FASTKD2: variants seen among roughly 807,000 people sequenced by gnomAD.
The protein encoded by FASTKD2 is FAST kinase domains 2.
A neutral mutation model predicts 63.6 loss-of-function variants in FASTKD2; 51 were observed. The observed-to-expected ratio is 0.80, with a 90% confidence interval of 0.64 to 1.01. FASTKD2 has a LOEUF of 1.01. Among genes scored for constraint, FASTKD2 ranks in the 50% least tolerant of loss-of-function variants. The probability of loss-of-function intolerance (pLI) is 0.00; values close to 1 mark genes in which losing one functional copy is unlikely to be tolerated. For missense variants in FASTKD2, 786 were observed against 831.1 expected (o/e 0.95, Z 0.67); for synonymous variants, 284 against 293.4 (o/e 0.97, Z 0.33).
chr2:206,781,841 T>G (rs1364552358), intron 7 of FASTKD2, among the ~76,000 whole-genome samples: 5 of 151,922 alleles, frequency 3.3e-5, no homozygotes, highest in African/African-American at 1.2e-4. Flanking sequence ...TTTTCCTACT[T>G]AACTGCTCCT....
chr2:206,774,407 T>TG lies in FASTKD2; in HGVS notation c.1427+11dup. ...AATGCCAGAACAAAGAGTATGTACTTGTTTTTTTTTACCTTTTTTATTGCC... is the reference window on the plus strand; with the variant it reads ...AATGCCAGAACAAAGAGTATGTACTTGGTTTTTTTTTACCTTTTTTATTGCC... On this transcript the variant is annotated intron_variant, in intron 7 of 11. Coordinates refer to ENST00000402774, the MANE Select transcript of FASTKD2 (RefSeq NM_001136193.2). The TG allele has an allele frequency of 6.4e-7, 1 of 1,563,256 alleles. No individual in the cohort carries two copies. The highest frequency in any genetic ancestry group is 8.8e-7 in the Non-Finnish European group (1 of 1,138,902).
intron 9 of FASTKD2, 100 bp from the exon 10 acceptor site, chr2:206,788,719 G>A (rs1690201157): frequency 1.7e-5 from 11 of 643,532 alleles, no homozygotes; most frequent in South Asian, 3.4e-5. Context: ...ATGACAGAGC[G>A]AGACCACATC....
rs751773316 is a variant in FASTKD2 at position 206,788,870 on chromosome 2, A to T, written c.1865A>T (p.Asp622Val). 1.9e-6 allele frequency: 3 copies of T among 1,580,018 alleles called. No homozygotes were observed. Among genetic ancestry groups the T allele is most frequent in the Non-Finnish European group, 8.7e-7 (1 of 1,149,398 alleles). ...AGGAATCAAGTGCTACCACTTTCTG[A>T]TGTGGATACAACTTCTGCTACAGAT... Reference protein sequence around the residue: ...TNRNQVLPLSDVDTTSATDIQ... With the variant: ...TNRNQVLPLSVVDTTSATDIQ... Residue 622 changes from aspartate (D) to valine (V), a missense_variant, in exon 10 of 12, where the codon GAT (aspartate) becomes GTT (valine). Physicochemically the swap from Asp to Val is radical, Grantham distance 152 (BLOSUM62 -3). Transcript: ENST00000402774.
chr2:206,767,858 C>G (rs1689568116), intron 2 of FASTKD2, among the ~76,000 whole-genome samples: 1 of 152,168 alleles, frequency 6.6e-6, no homozygotes, highest in Non-Finnish European at 1.5e-5. Flanking sequence ...AACTGATGAG[C>G]AGAATGATAG....
chr2:206,786,934 G>T, intron 8 of FASTKD2, 35 bp downstream of exon 8: 11 of 995,082 alleles, frequency 1.1e-5, no homozygotes, highest in South Asian at 5.1e-5. Context: ...CACCAATTGT[G>T]ACCAATTCTG....
rs1690358210 is a variant in FASTKD2 at position 206,793,636 on chromosome 2, G to A, written c.*1834G>A. On this transcript the variant is annotated 3_prime_UTR_variant, in exon 12 of 12. Transcript: ENST00000402774. ...AATGTTGAGTGTGCATCAGTTTTGA[G>A]TGTCTAATTATGACTCCTCTTCAAA... is the stretch of plus-strand genomic sequence containing the variant. 6.6e-6 allele frequency among the ~76,000 whole-genome samples: 1 copy of A among 152,172 alleles called. No individual in the cohort carries two copies. Among genetic ancestry groups the A allele is most frequent in the Non-Finnish European group, 1.5e-5 (1 of 68,030 alleles).
rs1690433630 is a variant in FASTKD2 at position 206,795,776 on chromosome 2, A to G, written c.*3974A>G. Among the ~76,000 whole-genome samples the G allele has an allele frequency of 6.6e-6, 1 of 152,226 alleles. No individual in the cohort carries two copies. The highest frequency in any genetic ancestry group is 2.4e-5 in the African/African-American group (1 of 41,454). ...GAGCATTTTATTTTTCTAGAAGAGC[A>G]ATAACAGAGACCCCAGGGTGTGGTG... On this transcript the variant is annotated 3_prime_UTR_variant, in exon 12 of 12. Transcript: ENST00000402774.
At chr2:206,781,467 C>T (rs1689975891) in intron 7 of FASTKD2, among the ~76,000 whole-genome samples, 1 of 151,900 alleles carries the variant, frequency 6.6e-6, no homozygotes, top group Non-Finnish European at 1.5e-5. Flanking sequence ...AGGCACCTGC[C>T]ACCACGCCTG....
intron 10 of FASTKD2, 134 bp from the exon 11 acceptor site, chr2:206,790,438 A>G: frequency 1.4e-6 from 1 of 695,474 alleles, no homozygotes; most frequent in Non-Finnish European, 2.6e-6. Flanking sequence ...AAAAGAAGTG[A>G]AGGACTAAGA....
In FASTKD2 at chr2:206,795,382, C is replaced by T. The variant is rs566401633; in HGVS notation, c.*3580C>T. On this transcript the variant is annotated 3_prime_UTR_variant, in exon 12 of 12. Coordinates refer to ENST00000402774, the MANE Select transcript of FASTKD2 (RefSeq NM_001136193.2). The stretch of plus-strand genomic sequence containing the variant: ...CCGAGTAGCTGGGACTACAGGTGCC[C>T]ACCTCCATGCCCGGCTAATTTTTGT... 5.6e-4 allele frequency among the ~76,000 whole-genome samples: 86 copies of T among 152,308 alleles called. No homozygotes were observed. The highest frequency in any genetic ancestry group is 2.0e-3 in the African/African-American group (84 of 41,568).
In FASTKD2 at chr2:206,765,677, C is replaced by T. The variant is rs1689417005; in HGVS notation, c.-121C>T. 3.5e-6 allele frequency: 1 copy of T among 285,518 alleles called. No homozygotes were observed. 17.7% of individuals were successfully genotyped at this position (285,518 alleles called of 1,614,324 possible). A position where few individuals can be genotyped will look rare whatever the true frequency, so the allele number is the denominator to read the frequency against. ...AAGGTGAGTGGAGGACGAGCTTGGG[C>T]TTAGCGGCAGCCCGTATCACATCCT... On this transcript the variant is annotated 5_prime_UTR_variant, in exon 1 of 12. Transcript: ENST00000402774.
At chr2:206,767,539 T>C in intron 2 of FASTKD2, 69 bp downstream of exon 2, 1 of 1,180,904 alleles carries the variant, frequency 8.5e-7, no homozygotes, top group Non-Finnish European at 1.2e-6. Context: ...TGAAGGGATA[T>C]AGATATGTAG....
rs1690305448 is a variant in FASTKD2 at position 206,792,260 on chromosome 2, T to C, written c.*458T>C. On this transcript the variant is annotated 3_prime_UTR_variant, in exon 12 of 12. Coordinates refer to ENST00000402774, the MANE Select transcript of FASTKD2 (RefSeq NM_001136193.2). ...TAATAATTGGACAAAGTTCTAAAGT[T>C]GTCAAGTGTGTAAGAATTAGTGAGG... is the stretch of plus-strand genomic sequence containing the variant. 1.6e-5 allele frequency: 3 copies of C among 189,822 alleles called. No individual in the cohort carries two copies. In the South Asian group the frequency reaches 3.1e-4, roughly 19 times the overall value. 11.8% of individuals were successfully genotyped at this position (189,822 alleles called of 1,614,324 possible). A position where few individuals can be genotyped will look rare whatever the true frequency, so the allele number is the denominator to read the frequency against.
intron 11 of FASTKD2, 86 bp from the exon 12 acceptor site, chr2:206,791,597 G>A: frequency 7.8e-7 from 1 of 1,283,600 alleles, no homozygotes; most frequent in South Asian, 1.2e-5. Context: ...TTGTCCTCAT[G>A]TTACTTTACT....
At chr2:206,779,313 T>C (rs1178012236) in intron 7 of FASTKD2, among the ~76,000 whole-genome samples, 3 of 152,198 alleles carry the variant, frequency 2.0e-5, no homozygotes, top group Non-Finnish European at 4.4e-5. Flanking sequence ...AGTTATAGTT[T>C]GGTCTTTTTT....
Position 206,786,773 on chromosome 2 carries a change from C to T in FASTKD2, c.1468C>T (p.Leu490Phe), listed in dbSNP as rs1405158554. 1.2e-5 allele frequency: 19 copies of T among 1,613,892 alleles called. No individual in the cohort carries two copies. The highest frequency in any genetic ancestry group is 1.6e-5 in the Non-Finnish European group (19 of 1,179,816). ...TATGGCTAGTGCTCTGACTGGTTATCTTCACACTATTTCTTCTGAAAACTT... is the reference window on the plus strand; with the variant it reads ...TATGGCTAGTGCTCTGACTGGTTATTTTCACACTATTTCTTCTGAAAACTT... ...EVMASALTGY[L>F]HTISSENLLD... Residue 490 changes from leucine (L) to phenylalanine (F), a missense_variant, in exon 8 of 12, where the codon CTT becomes TTT. Coordinates refer to ENST00000402774, the MANE Select transcript of FASTKD2 (RefSeq NM_001136193.2).
Position 206,786,817 on chromosome 2 carries a change from A to G in FASTKD2, c.1512A>G (p.Ser504=). The G allele has an allele frequency of 6.2e-7, 1 of 1,613,400 alleles. No individual in the cohort carries two copies. Among genetic ancestry groups the G allele is most frequent in the Non-Finnish European group, 8.5e-7 (1 of 1,179,478 alleles). ...SSENLLDAVY[S]FCLMNYFPLA... ...AAAACTTATTGGATGCAGTATATTC[A>G]TTTTGCTTGATGAATTACTTTCCCC... Residue 504 remains serine (S), a synonymous_variant, in exon 8 of 12, where the codon TCA becomes TCG. Transcript: ENST00000402774.
At position 206,794,585 on chromosome 2, in the gene FASTKD2, A is replaced by T. The variant is rs992977864; in HGVS notation, c.*2783A>T. On this transcript the variant is annotated 3_prime_UTR_variant, in exon 12 of 12. Transcript: ENST00000402774. ...ACATTTACCAGCTCTCCGAATTCTC[A>T]GTAGTTACCACTGAATAGAAACTTT... Among the ~76,000 whole-genome samples the T allele has an allele frequency of 1.3e-5, 2 of 152,192 alleles. No individual in the cohort carries two copies. The highest frequency in any genetic ancestry group is 6.5e-5 in the Admixed American group (1 of 15,278).
intron 7 of FASTKD2, 50 bp downstream of exon 7, chr2:206,774,447 AAAG>A: frequency 8.4e-7 from 1 of 1,187,026 alleles, no homozygotes. Flanking sequence ...AACTTACAAA[AAAG>A]GTTATAAATC....
Sources: gnomAD v4.1 joint callset for allele counts (sites outside exome capture counted in the v4.1 genomes callset) on GRCh38, gnomAD v4.1.1 for gene constraint, MANE v1.5 for transcripts, NCBI Gene and HGNC (gene_info 2026-07-23, HGNC 2026-07-21) for gene names.